The following GALNT7 variants were observed in gnomAD, a reference collection of about 807,000 sequenced individuals.
GALNT7 encodes the protein polypeptide N-acetylgalactosaminyltransferase 7, also known as N-acetylgalactosaminyltransferase 7.
A neutral mutation model predicts 82.1 loss-of-function variants in GALNT7; 60 were observed. The ratio of observed to expected loss-of-function variants is 0.73; its 90% confidence interval spans 0.59 to 0.91. The LOEUF (loss-of-function observed/expected upper bound fraction) is 0.91. Among genes scored for constraint, GALNT7 ranks in the 40% least tolerant of loss-of-function variants. The probability of loss-of-function intolerance (pLI) is 0.00; values close to 1 mark genes in which losing one functional copy is unlikely to be tolerated. For synonymous variants in GALNT7, 243 were observed against 275.1 expected, an observed-to-expected ratio of 0.88 and a Z score of 1.15; for missense variants, 660 against 804.2, an observed-to-expected ratio of 0.82 and a Z score of 2.17.
intron 2 of GALNT7, among the ~76,000 whole-genome samples, chr4:173,274,449 G>T (rs1735830877): frequency 6.6e-6 from 1 of 152,154 alleles, no homozygotes; most frequent in South Asian, 2.1e-4. Context: ...ATATTTGTGT[G>T]TAATTCTTAG....
chr4:173,223,726 A>G lies in GALNT7; in HGVS notation c.127-24254A>G, dbSNP rs140199157. Reference sequence around the variant, plus strand: ...TACAAAAAGCTGAAAGACTAGTACAATGAACATTCATACAAGTACCTCCTA... The same window carrying G: ...TACAAAAAGCTGAAAGACTAGTACAGTGAACATTCATACAAGTACCTCCTA... On this transcript the variant is annotated intron_variant, in intron 1 of 11. Transcript: ENST00000265000. Among the ~76,000 whole-genome samples the G allele has an allele frequency of 3.9e-3, 593 of 152,310 alleles. 2 individuals are homozygous for G. Among genetic ancestry groups the G allele is most frequent in the African/African-American group, 0.013 (560 of 41,552 alleles).
chr4:173,237,460 A>G (rs1248786586), intron 1 of GALNT7, among the ~76,000 whole-genome samples: 1 of 152,170 alleles, frequency 6.6e-6, no homozygotes, highest in Non-Finnish European at 1.5e-5. Flanking sequence ...TTGCCTTTCA[A>G]AAGGGTATAA....
At chr4:173,224,970 G>C (rs1579928547) in intron 1 of GALNT7, among the ~76,000 whole-genome samples, 1 of 151,504 alleles carries the variant, frequency 6.6e-6, no homozygotes, top group Admixed American at 6.6e-5. Flanking sequence ...AGCCGAAATT[G>C]TGCCACTGCA....
intron 2 of GALNT7, among the ~76,000 whole-genome samples, chr4:173,288,168 A>AGCTACTCG (rs1439723779): frequency 6.7e-6 from 1 of 150,208 alleles, no homozygotes; most frequent in Non-Finnish European, 1.5e-5. Context: ...CTGTAGTCCC[A>AGCTACTCG]GCTACTCGGG....
In GALNT7 at chr4:173,302,285, T is replaced by C. The variant is rs1736971698; in HGVS notation, c.1266+121T>C. The C allele has an allele frequency of 4.3e-6, 3 of 703,648 alleles. No homozygotes were observed. Among genetic ancestry groups the C allele is most frequent in the Non-Finnish European group, 7.7e-6 (3 of 391,256 alleles). The allele number at this position is 703,648 out of a possible 1,614,324, so 43.6% of individuals were successfully genotyped here. Reference sequence around the variant, plus strand: ...CAATTATATCATGCATTTCTCCAAATTGTATAGAATGATTTAATGAAAATG... The same window carrying C: ...CAATTATATCATGCATTTCTCCAAACTGTATAGAATGATTTAATGAAAATG... On this transcript the variant is annotated intron_variant, in intron 7 of 11. Coordinates refer to ENST00000265000, the MANE Select transcript of GALNT7 (RefSeq NM_017423.3). The surrounding 1 kb of genome is among the most constrained non-coding windows in gnomAD (Gnocchi z 4.2).
At chr4:173,192,438 A>G (rs984387425) in intron 1 of GALNT7, among the ~76,000 whole-genome samples, 1 of 152,184 alleles carries the variant, frequency 6.6e-6, no homozygotes, top group African/African-American at 2.4e-5. Flanking sequence ...CTGTTTTTAT[A>G]TAAGTTGCCC....
intron 1 of GALNT7, among the ~76,000 whole-genome samples, chr4:173,225,294 A>G (rs1256513188): frequency 1.3e-5 from 2 of 152,092 alleles, no homozygotes; most frequent in Non-Finnish European, 2.9e-5. Flanking sequence ...TAATTACAGA[A>G]TTACTGGGCA....
At chr4:173,258,531 C>G (rs575195139) in intron 2 of GALNT7, among the ~76,000 whole-genome samples, 16 of 152,246 alleles carry the variant, frequency 1.1e-4, no homozygotes, top group African/African-American at 3.9e-4. Context: ...GATGGGGGGG[C>G]CTCAGTCAGT....
intron 1 of GALNT7, among the ~76,000 whole-genome samples, chr4:173,176,750 A>G (rs1252213158): frequency 6.6e-6 from 1 of 152,192 alleles, no homozygotes; most frequent in Non-Finnish European, 1.5e-5. Flanking sequence ...ACTGTGACCA[A>G]TCCTGGGGAC....
intron 1 of GALNT7, among the ~76,000 whole-genome samples, chr4:173,215,848 G>A (rs11731263): frequency 0.43 from 65,489 of 152,018 alleles, 15,135 homozygotes; most frequent in East Asian, 0.66. Context: ...AGTGGTTCAC[G>A]CCCGTAATCC....
At position 173,302,427 on chromosome 4, in the gene GALNT7, AC is replaced by A. The variant is rs1736976724; in HGVS notation, c.1266+267del. ...TAGAAATGAAAATATCTACCCCCAC[AC>A]CCCAACTTTCTATATATTGGAGCTT... is the stretch of plus-strand genomic sequence containing the variant. On this transcript the variant is annotated intron_variant, in intron 7 of 11. Coordinates refer to ENST00000265000, the MANE Select transcript of GALNT7 (RefSeq NM_017423.3). This position sits in a 1 kb window ranked among gnomAD's most constrained non-coding sequence, Gnocchi z 4.2. Among the ~76,000 whole-genome samples, 1 of 152,108 alleles carries A rather than the reference AC, an allele frequency of 6.6e-6. No individual in the cohort carries two copies. Among genetic ancestry groups the A allele is most frequent in the Admixed American group, 6.6e-5 (1 of 15,260 alleles).
intron 1 of GALNT7, among the ~76,000 whole-genome samples, chr4:173,224,089 G>T (rs1733724208): frequency 6.6e-6 from 1 of 152,016 alleles, no homozygotes; most frequent in Non-Finnish European, 1.5e-5. Flanking sequence ...TCACCTAAAG[G>T]AAACCATCCT....
intron 8 of GALNT7, among the ~76,000 whole-genome samples, chr4:173,309,533 T>G (rs1737298850): frequency 6.6e-6 from 1 of 152,220 alleles, no homozygotes; most frequent in Admixed American, 6.5e-5. Context: ...TCCCACTGCT[T>G]GGAGGACAAA....
chr4:173,211,046 C>G (rs1369482330), intron 1 of GALNT7, among the ~76,000 whole-genome samples: 1 of 150,910 alleles, frequency 6.6e-6, no homozygotes, highest in Admixed American at 6.6e-5. Flanking sequence ...TTTTTTTTTC[C>G]ATTTGATATC....
intron 2 of GALNT7, among the ~76,000 whole-genome samples, chr4:173,270,189 T>C (rs1016889316): frequency 3.3e-5 from 5 of 152,164 alleles, no homozygotes; most frequent in African/African-American, 1.2e-4. Context: ...AGTGGGATAA[T>C]TTGGAGGTAC....
At position 173,302,380 on chromosome 4, in the gene GALNT7, C is replaced by A. The variant is rs555961438; in HGVS notation, c.1266+216C>A. On this transcript the variant is annotated intron_variant, in intron 7 of 11. Transcript: ENST00000265000. The surrounding 1 kb of genome is among the most constrained non-coding windows in gnomAD (Gnocchi z 4.2). ...TACCATATATTTACAGGGCTCAGCT[C>A]AAAATTGTGGCTAGCAAGCTTTAGA... Among the ~76,000 whole-genome samples, 8 of 152,264 alleles carry A rather than the reference C, an allele frequency of 5.3e-5. No individual in the cohort carries two copies. The highest frequency in any genetic ancestry group is 1.2e-4 in the Non-Finnish European group (8 of 68,028).
chr4:173,285,260 G>A (rs1330998161), intron 2 of GALNT7, among the ~76,000 whole-genome samples: 1 of 152,136 alleles, frequency 6.6e-6, no homozygotes, highest in Non-Finnish European at 1.5e-5. Flanking sequence ...TCAATTACAT[G>A]TCATAATGGT....
chr4:173,211,088 A>C (rs1271985243), intron 1 of GALNT7, among the ~76,000 whole-genome samples: 1 of 152,086 alleles, frequency 6.6e-6, no homozygotes, highest in East Asian at 1.9e-4. Flanking sequence ...AGTACATCTC[A>C]ATTTGGGCCA....
chr4:173,317,829 GT>G (rs1333641243), intron 10 of GALNT7, 97 bp downstream of exon 10: 1 of 758,362 alleles, frequency 1.3e-6, no homozygotes, highest in Non-Finnish European at 2.3e-6. Flanking sequence ...TTTCGATTTG[GT>G]AATTTTGTTT....
Sources: allele counts gnomAD v4.1 joint callset (sites outside exome capture counted in the v4.1 genomes callset), GRCh38; gene constraint gnomAD v4.1.1; non-coding constraint Gnocchi (gnomAD v3.1); transcripts MANE v1.5; gene names NCBI Gene and HGNC (gene_info 2026-07-23, HGNC 2026-07-21).